Variants in UGGT2 observed in about 807,000 individuals in gnomAD.
The protein encoded by UGGT2 is UDP-glucose glycoprotein glucosyltransferase 2.
Under a neutral mutation model 192.1 loss-of-function variants are expected in UGGT2, and 180 were observed. That is an observed-to-expected ratio of 0.94 (90% confidence interval 0.83 to 1.06). The LOEUF (loss-of-function observed/expected upper bound fraction) is 1.06. Among genes scored for constraint, UGGT2 ranks in the 50% least tolerant of loss-of-function variants. The probability of loss-of-function intolerance (pLI) is 0.00; values close to 1 mark genes in which losing one functional copy is unlikely to be tolerated. For synonymous variants in UGGT2, 580 were observed against 591.0 expected (o/e 0.98, Z 0.27); for missense variants, 1,849 against 1,795.7 (o/e 1.03, Z -0.54).
chr13:95,916,830 A>G lies in UGGT2; in HGVS notation c.2295+8850T>C, dbSNP rs545369130. ...AACTTGAAAACTATCTTGCTGAAAT[A>G]AGGCAGGTAGACACATTAAACAAAA... On this transcript the variant is annotated intron_variant, in intron 20 of 38. Coordinates refer to ENST00000376747, the MANE Select transcript of UGGT2 (RefSeq NM_020121.4). Among the ~76,000 whole-genome samples the G allele has an allele frequency of 5.3e-5, 8 of 152,330 alleles. No homozygotes were observed. In the South Asian group the frequency reaches 1.5e-3, roughly 28 times the overall value.
chr13:96,051,423 A>C (rs954951100), intron 1 of UGGT2, among the ~76,000 whole-genome samples: 1 of 152,352 alleles, frequency 6.6e-6, no homozygotes. Flanking sequence ...GCACATGTAT[A>C]TCTATGTACC....
At chr13:96,036,381 G>A (rs1286225271) in intron 1 of UGGT2, among the ~76,000 whole-genome samples, 3 of 152,036 alleles carry the variant, frequency 2.0e-5, no homozygotes, top group East Asian at 1.9e-4. Context: ...TGGGGGTAAC[G>A]ACACACACTG....
At position 95,927,290 on chromosome 13, in the gene UGGT2, C is replaced by G. The variant is rs142975988; in HGVS notation, c.2024G>C (p.Arg675Thr). 889 of 1,610,212 alleles carry G rather than the reference C, an allele frequency of 5.5e-4. 2 individuals are homozygous for G. Among genetic ancestry groups the G allele is most frequent in the Non-Finnish European group, 6.1e-4 (723 of 1,179,004 alleles). The change falls in exon 18 of 39, where the codon AGG becomes ACG. Residue 675 changes from arginine to threonine, a missense_variant. Physicochemically the swap from Arg to Thr is moderately conservative, Grantham distance 71. Coordinates refer to ENST00000376747, the MANE Select transcript of UGGT2 (RefSeq NM_020121.4). ...RTNAIDFLMD[R>T]NNVVPRINTL... is the part of the protein sequence containing the mutation. ...ATTTATACGGGGTACAACATTATTCCTATCCATTAGAAAATCAATTGCATT... is the reference window on the plus strand; with the variant it reads ...ATTTATACGGGGTACAACATTATTCGTATCCATTAGAAAATCAATTGCATT...
chr13:95,818,974 C>T (rs1191097932), intron 38 of UGGT2, among the ~76,000 whole-genome samples: 1 of 152,136 alleles, frequency 6.6e-6, no homozygotes, highest in African/African-American at 2.4e-5. Flanking sequence ...TTATATATTA[C>T]CTTCCCTAGG....
intron 13 of UGGT2, among the ~76,000 whole-genome samples, chr13:95,948,479 C>T (rs1327349292): frequency 1.3e-5 from 2 of 152,022 alleles, no homozygotes; most frequent in South Asian, 2.1e-4. Flanking sequence ...ATAGCATTAA[C>T]ATAACTGCTT....
intron 7 of UGGT2, among the ~76,000 whole-genome samples, chr13:95,995,078 T>C (rs1040486210): frequency 6.6e-6 from 1 of 152,058 alleles, no homozygotes. Context: ...GAAAAAAACT[T>C]CCATCTTTAA....
At chr13:95,983,599 T>C (rs2140869464) in intron 10 of UGGT2, 1 of 637,788 alleles carries the variant, frequency 1.6e-6, no homozygotes, top group Non-Finnish European at 3.0e-6. Context: ...GAATATACTG[T>C]GAAATAAGTA....
At chr13:95,987,579 A>T (rs142552252) in intron 8 of UGGT2, among the ~76,000 whole-genome samples, 1 of 152,208 alleles carries the variant, frequency 6.6e-6, no homozygotes, top group African/African-American at 2.4e-5. Context: ...ATAATTGAAG[A>T]TACTAGAAAG....
chr13:95,949,477 G>C (rs1285808128), intron 12 of UGGT2, 23 bp from the exon 13 acceptor site: 1 of 1,436,286 alleles, frequency 7.0e-7, no homozygotes, highest in East Asian at 2.5e-5. Flanking sequence ...GCAGACACTT[G>C]TGAAAGCTAT....
Position 95,986,369 on chromosome 13 carries a change from A to G in UGGT2, c.995T>C (p.Met332Thr). Reference protein sequence around the residue: ...SAPVYDSIKLMKDISQNFPIK... With the variant: ...SAPVYDSIKLTKDISQNFPIK... ...GGGGAAGTTCTGTGAAATGTCTTTC[A>G]TTAATTTAATGGAATCATAAACTGG... The change falls in exon 9 of 39, where the codon ATG becomes ACG. Residue 332 changes from methionine to threonine, a missense_variant. Met to Thr is a moderately conservative substitution (Grantham distance 81). Coordinates refer to ENST00000376747, the MANE Select transcript of UGGT2 (RefSeq NM_020121.4). 6.2e-7 allele frequency: 1 copy of G among 1,605,200 alleles called. No individual in the cohort carries two copies. Among genetic ancestry groups the G allele is most frequent in the Non-Finnish European group, 8.5e-7 (1 of 1,173,692 alleles).
intron 22 of UGGT2, among the ~76,000 whole-genome samples, chr13:95,898,151 G>A (rs916474646): frequency 6.6e-6 from 1 of 151,936 alleles, no homozygotes; most frequent in African/African-American, 2.4e-5. Context: ...CTCTCATCTG[G>A]ACTACTGCAT....
At chr13:96,007,175 A>T (rs563442846) in intron 5 of UGGT2, among the ~76,000 whole-genome samples, 1 of 152,352 alleles carries the variant, frequency 6.6e-6, no homozygotes, top group East Asian at 1.9e-4. Context: ...CCATATTAAA[A>T]GAACCAAGAA....
intron 4 of UGGT2, among the ~76,000 whole-genome samples, chr13:96,017,471 C>G (rs2052374957): frequency 6.6e-6 from 1 of 152,154 alleles, no homozygotes; most frequent in South Asian, 2.1e-4. Flanking sequence ...ATGTTAATGC[C>G]ATGTTTGTAC....
intron 38 of UGGT2, among the ~76,000 whole-genome samples, chr13:95,820,237 TA>T (rs1885367822): frequency 6.6e-6 from 1 of 152,162 alleles, no homozygotes; most frequent in South Asian, 2.1e-4. Flanking sequence ...ATATCCAATA[TA>T]AATCTTTTTC....
chr13:96,020,514 T>C (rs928824768), intron 4 of UGGT2, among the ~76,000 whole-genome samples: 6 of 152,170 alleles, frequency 3.9e-5, no homozygotes, highest in African/African-American at 1.4e-4. Context: ...AGTATAAGCA[T>C]GTAAAATACC....
intron 26 of UGGT2, among the ~76,000 whole-genome samples, chr13:95,885,292 A>C (rs1404006255): frequency 6.6e-6 from 1 of 152,190 alleles, no homozygotes. Context: ...TTGAGACTGC[A>C]GTCAAGGTGT....
chr13:95,902,524 C>A (rs76186077), intron 21 of UGGT2, among the ~76,000 whole-genome samples: 2,514 of 150,342 alleles, frequency 0.017, 29 homozygotes, highest in South Asian at 0.03. Context: ...TCGTTGAAAC[C>A]CCCCCCATAA....
chr13:96,053,074 C>T (rs2053534026), intron 1 of UGGT2, 81 bp downstream of exon 1: 1 of 1,393,602 alleles, frequency 7.2e-7, no homozygotes, highest in Non-Finnish European at 9.3e-7. Context: ...AGCCAGACAC[C>T]CGCTGCGAGC....
intron 38 of UGGT2, among the ~76,000 whole-genome samples, chr13:95,827,845 C>CA (rs1371039681): frequency 6.6e-6 from 1 of 152,088 alleles, no homozygotes; most frequent in Non-Finnish European, 1.5e-5. Context: ...AATCATAAGG[C>CA]TTTTAAGAAT....
Sources: allele counts gnomAD v4.1 joint callset (sites outside exome capture counted in the v4.1 genomes callset), GRCh38; gene constraint gnomAD v4.1.1; transcripts MANE v1.5; gene names NCBI Gene and HGNC (gene_info 2026-07-23, HGNC 2026-07-21).